Variants in FANCB observed in about 807,000 individuals in gnomAD.
FANCB encodes the protein Fanconi anemia group B protein.
Under a neutral mutation model 38.9 loss-of-function variants are expected in FANCB, and 5 were observed. The observed-to-expected ratio is 0.13, with a 90% CI of 0.07 to 0.27. The LOEUF is 0.27. FANCB is among the 10% of genes least tolerant of loss of function. The probability of loss-of-function intolerance (pLI) is 1.00; values close to 1 mark genes in which losing one functional copy is unlikely to be tolerated. For synonymous variants in FANCB, 236 were observed against 215.4 expected (o/e 1.10, Z -0.84); for missense variants, 573 against 602.7 (o/e 0.95, Z 0.52).
chrX:14,690,705 C>T, the FANCB span: 2 of 1,153,949 alleles, frequency 1.7e-6, no homozygotes, highest in African/African-American at 1.8e-5. Context: ...CTCTCTCTCT[C>T]TCAGGTCTCC....
the FANCB span, among the ~76,000 whole-genome samples, chrX:14,719,063 C>T: frequency 4.5e-5 from 5 of 111,865 alleles, no homozygotes; most frequent in Non-Finnish European, 9.4e-5. Context: ...ATTCACATCC[C>T]TCCCACGTGC....
At chrX:14,692,106 C>T in the FANCB span, among the ~76,000 whole-genome samples, 1 of 111,964 alleles carries the variant, frequency 8.9e-6, no homozygotes, top group Non-Finnish European at 1.9e-5. Context: ...TGAAAGGTTT[C>T]CTGCACATAC....
the FANCB span, among the ~76,000 whole-genome samples, chrX:14,740,976 G>GCACACA: frequency 2.0e-3 from 218 of 108,715 alleles, no homozygotes; most frequent in African/African-American, 6.9e-3. Flanking sequence ...ACACACACAC[G>GCACACA]CACACACACA....
chrX:14,704,304 C>A, the FANCB span, among the ~76,000 whole-genome samples: 2 of 112,491 alleles, frequency 1.8e-5, no homozygotes, highest in Non-Finnish European at 3.8e-5. Context: ...GCTATGATGG[C>A]AGATACCTTG....
chrX:14,728,677 G>A, the FANCB span, among the ~76,000 whole-genome samples: 1 of 112,118 alleles, frequency 8.9e-6, no homozygotes, highest in African/African-American at 3.2e-5. Flanking sequence ...GGGCAATGTC[G>A]ATAAATCAAA....
chrX:14,788,248 A>G, the FANCB span, among the ~76,000 whole-genome samples: 1 of 110,733 alleles, frequency 9.0e-6, no homozygotes, highest in Middle Eastern at 4.2e-3. Flanking sequence ...AGAACTGAAA[A>G]GAAAAACAGG....
At chrX:14,792,241 C>G in the FANCB span, among the ~76,000 whole-genome samples, 1 of 111,543 alleles carries the variant, frequency 9.0e-6, no homozygotes, top group South Asian at 3.8e-4. Context: ...CTTCCAAAAA[C>G]ATCAATCTCA....
the FANCB span, among the ~76,000 whole-genome samples, chrX:14,801,052 A>C: frequency 9.0e-6 from 1 of 111,091 alleles, no homozygotes; most frequent in Non-Finnish European, 1.9e-5. Flanking sequence ...GCAGAAGCAG[A>C]AGCAGAAGCA....
At chrX:14,698,677 AT>A in the FANCB span, among the ~76,000 whole-genome samples, 1 of 67,091 alleles carries the variant, frequency 1.5e-5, no homozygotes, top group Non-Finnish European at 2.7e-5. Flanking sequence ...GACTCTATCT[AT>A]CTCAAAAAAA....
intron 7 of FANCB, among the ~76,000 whole-genome samples, chrX:14,845,530 T>C (rs1316784205): frequency 8.9e-6 from 1 of 111,866 alleles, no homozygotes; most frequent in African/African-American, 3.2e-5. Context: ...TTTAGGAAAG[T>C]AAAATTTTTA....
the FANCB span, among the ~76,000 whole-genome samples, chrX:14,770,756 T>C: frequency 1.8e-5 from 2 of 112,405 alleles, no homozygotes; most frequent in Non-Finnish European, 1.9e-5. Flanking sequence ...CAGTGTGTTT[T>C]TGTAGTGACT....
At chrX:14,708,518 T>C in the FANCB span, among the ~76,000 whole-genome samples, 3 of 111,745 alleles carry the variant, frequency 2.7e-5, no homozygotes, top group East Asian at 5.6e-4. Context: ...ACACGCCACC[T>C]GAGTATTATG....
the FANCB span, among the ~76,000 whole-genome samples, chrX:14,704,405 C>T: frequency 8.9e-6 from 1 of 112,096 alleles, no homozygotes; most frequent in South Asian, 3.7e-4. Context: ...GTTTAAGATT[C>T]TTGATGGCAA....
chrX:14,722,661 T>A, the FANCB span, among the ~76,000 whole-genome samples: 5 of 111,794 alleles, frequency 4.5e-5, no homozygotes, highest in Admixed American at 9.5e-5. Context: ...GACTTCTATA[T>A]GACATATGGA....
chrX:14,821,856 A>C, the FANCB span, among the ~76,000 whole-genome samples: 1 of 111,867 alleles, frequency 8.9e-6, no homozygotes, highest in African/African-American at 3.3e-5. Context: ...TGATTTCTCA[A>C]AGTGAGAAAA....
the FANCB span, among the ~76,000 whole-genome samples, chrX:14,812,612 C>G: frequency 1.8e-5 from 2 of 109,317 alleles, no homozygotes; most frequent in African/African-American, 3.3e-5. Context: ...AAGACTAAAC[C>G]AGGAAGAAGT....
At chrX:14,690,574 A>G in the FANCB span, 1 of 454,407 alleles carries the variant, frequency 2.2e-6, no homozygotes, top group South Asian at 3.8e-5. Context: ...AAAACGCTGG[A>G]AAATCATTGA....
chrX:14,726,805 T>A, the FANCB span, among the ~76,000 whole-genome samples: 1 of 112,599 alleles, frequency 8.9e-6, no homozygotes, highest in African/African-American at 3.2e-5. Context: ...ATATTTAAGT[T>A]TCCTTTTGTG....
Position 14,853,042 on chromosome X carries a change from C to T in FANCB, c.1323G>A (p.Glu441=), listed in dbSNP as rs1015824799. The T allele has an allele frequency of 1.6e-5, 19 of 1,196,035 alleles. No homozygotes were observed. The highest frequency in any genetic ancestry group is 2.2e-5 in the Non-Finnish European group (19 of 883,689). The change falls in exon 6 of 10, where the codon GAG becomes GAA. Residue 441 remains glutamate, a synonymous_variant. Coordinates refer to ENST00000650831, the MANE Select transcript of FANCB (RefSeq NM_001018113.3). ...ATGGTCACATGATTACTTTTACCTC[C>T]TCTGCACTTGACGTATTATCATCTT... The part of the protein sequence containing the change: ...QGKDDNTSSA[E]EKECLVPLCG...
Sources: allele counts gnomAD v4.1 joint callset (sites outside exome capture counted in the v4.1 genomes callset), GRCh38; gene constraint gnomAD v4.1.1; transcripts MANE v1.5; gene names NCBI Gene and HGNC (gene_info 2026-07-23, HGNC 2026-07-21).